SLC1A1: variants seen among roughly 807,000 people sequenced by gnomAD.
SLC1A1 encodes solute carrier family 1 member 1.
Under a neutral mutation model 53.3 loss-of-function variants are expected in SLC1A1, and 43 were observed. The ratio of observed to expected loss-of-function variants is 0.81; its 90% confidence interval spans 0.63 to 1.04. The LOEUF (loss-of-function observed/expected upper bound fraction) is 1.04. SLC1A1 is among the 50% of genes least tolerant of loss of function. The pLI, the probability that SLC1A1 is intolerant of heterozygous loss-of-function variation, is 0.00. For synonymous variants in SLC1A1, 307 were observed against 243.2 expected (o/e 1.26, Z -2.44); for missense variants, 748 against 664.9 (o/e 1.12, Z -1.37).
At chr9:4,578,437 G>A (rs564540019) in intron 10 of SLC1A1, among the ~76,000 whole-genome samples, 4 of 152,282 alleles carry the variant, frequency 2.6e-5, no homozygotes, top group African/African-American at 9.6e-5. Flanking sequence ...CATGACGTAG[G>A]GAGAGTTTGC....
In SLC1A1 at chr9:4,572,255, G is replaced by A. The variant is rs1194293561; in HGVS notation, c.634G>A (p.Val212Ile). ...TGGCATGTATTCAGATGGCATAAAC[G>A]TCCTGGGCTTGATTGTCTTTTGCCT... ...IVGMYSDGIN[V>I]LGLIVFCLVF... Residue 212 changes from valine to isoleucine, a missense_variant, in exon 7 of 12, where the codon GTC becomes ATC. By Grantham distance (29) the Val-to-Ile change is conservative. Coordinates refer to ENST00000262352, the MANE Select transcript of SLC1A1 (RefSeq NM_004170.6). 3.1e-6 allele frequency: 5 copies of A among 1,614,116 alleles called. No individual in the cohort carries two copies. Among genetic ancestry groups the A allele is most frequent in the Middle Eastern group, 1.6e-4 (1 of 6,062 alleles).
rs1820306908 is a variant in SLC1A1, at chr9:4,573,918, T to C, written c.779T>C (p.Leu260Pro). The change falls in exon 8 of 12, where the codon CTA becomes CCA. Residue 260 changes from leucine (L) to proline (P), a missense_variant. Physicochemically the swap from Leu to Pro is moderately conservative, Grantham distance 98. Transcript: ENST00000262352. Reference protein sequence around the residue: ...IVQIIMCYMPLGILFLIAGKI... With the variant: ...IVQIIMCYMPPGILFLIAGKI... ...TGCTTCCTTTCCAGTTATATGCCAC[T>C]AGGTATTTTGTTCCTGATTGCTGGG... The C allele has an allele frequency of 6.2e-7, 1 of 1,608,240 alleles. No homozygotes were observed. The highest frequency in any genetic ancestry group is 8.5e-7 in the Non-Finnish European group (1 of 1,174,592).
At chr9:4,575,099 C>A (rs764411643) in intron 8 of SLC1A1, among the ~76,000 whole-genome samples, 2 of 152,184 alleles carry the variant, frequency 1.3e-5, no homozygotes, top group African/African-American at 2.4e-5. Flanking sequence ...TATTCTCTTA[C>A]CCCAGCTAGG....
intron 1 of SLC1A1, among the ~76,000 whole-genome samples, chr9:4,536,248 T>C (rs1020352656): frequency 3.3e-5 from 5 of 151,846 alleles, no homozygotes; most frequent in African/African-American, 7.3e-5. Flanking sequence ...GCCATCAGAG[T>C]GAATAGGCAA....
chr9:4,501,745 T>C (rs1820638541), intron 1 of SLC1A1, among the ~76,000 whole-genome samples: 1 of 150,804 alleles, frequency 6.6e-6, no homozygotes, highest in African/African-American at 2.5e-5. Flanking sequence ...GCCTGGGCAA[T>C]GAGAGCTAAA....
intron 1 of SLC1A1, among the ~76,000 whole-genome samples, chr9:4,494,296 ATTAC>A (rs1334690645): frequency 1.4e-5 from 1 of 69,146 alleles, no homozygotes; most frequent in Non-Finnish European, 4.3e-5. Context: ...AATTGGAGAT[ATTAC>A]TTATTACTTC....
intron 2 of SLC1A1, among the ~76,000 whole-genome samples, chr9:4,550,224 A>G (rs191205247): frequency 4.5e-4 from 68 of 152,348 alleles, no homozygotes; most frequent in Admixed American, 3.6e-3. Context: ...TGGATTTACA[A>G]TTGAGGATCT....
intron 8 of SLC1A1, 152 bp downstream of exon 8, chr9:4,574,166 G>A: frequency 1.4e-6 from 1 of 696,844 alleles, no homozygotes; most frequent in Admixed American, 2.0e-5. Context: ...GAGGAGGGCT[G>A]CCCTTTAACA....
chr9:4,543,544 T>C (rs1817195852), intron 1 of SLC1A1, among the ~76,000 whole-genome samples: 1 of 152,214 alleles, frequency 6.6e-6, no homozygotes, highest in Non-Finnish European at 1.5e-5. Flanking sequence ...GGCATCTTGT[T>C]AAGGAAAAGC....
chr9:4,587,342 G>A lies in SLC1A1; in HGVS notation c.*1784G>A, dbSNP rs529662948. The stretch of plus-strand genomic sequence containing the variant: ...CCAATTAGTGGCACTAGTTGGCAGA[G>A]CTGTTCATGAGCTGCCAGTTATCAT... On this transcript the variant is annotated 3_prime_UTR_variant, in exon 12 of 12. Coordinates refer to ENST00000262352, the MANE Select transcript of SLC1A1 (RefSeq NM_004170.6). 1.0e-3 allele frequency: 152 copies of A among 152,330 alleles called. No homozygotes were observed. Among genetic ancestry groups the A allele is most frequent in the African/African-American group, 3.5e-3 (146 of 41,584 alleles). 9.4% of individuals were successfully genotyped at this position (152,330 alleles called of 1,614,324 possible). A position where few individuals can be genotyped will look rare whatever the true frequency, so the allele number is the denominator to read the frequency against.
chr9:4,565,872 G>C (rs1198923339), intron 4 of SLC1A1, among the ~76,000 whole-genome samples, 175 bp from the exon 5 acceptor site: 6 of 152,172 alleles, frequency 3.9e-5, no homozygotes, highest in Non-Finnish European at 5.9e-5. Flanking sequence ...CTATACTTGG[G>C]TGAAGCTCAG....
intron 1 of SLC1A1, among the ~76,000 whole-genome samples, chr9:4,530,873 A>G (rs989828200): frequency 3.3e-5 from 5 of 152,174 alleles, no homozygotes; most frequent in African/African-American, 9.7e-5. Context: ...TTACCTTAAA[A>G]CTTAAACCTA....
At chr9:4,502,300 T>A (rs905358726) in intron 1 of SLC1A1, among the ~76,000 whole-genome samples, 7 of 141,192 alleles carry the variant, frequency 5.0e-5, no homozygotes, top group Non-Finnish European at 7.5e-5. Context: ...GGTGAGAGGA[T>A]CACTTGAGCC....
At chr9:4,536,651 T>C (rs902193537) in intron 1 of SLC1A1, among the ~76,000 whole-genome samples, 7 of 152,206 alleles carry the variant, frequency 4.6e-5, no homozygotes, top group South Asian at 4.1e-4. Flanking sequence ...CTCAGGGATC[T>C]TGAACTAGAA....
intron 1 of SLC1A1, among the ~76,000 whole-genome samples, chr9:4,529,729 T>C (rs1008636113): frequency 6.6e-6 from 1 of 152,166 alleles, no homozygotes; most frequent in African/African-American, 2.4e-5. Context: ...GGTGTCTCAT[T>C]ATGTTGCCCA....
At chr9:4,563,997 C>G (rs1468520776) in intron 3 of SLC1A1, among the ~76,000 whole-genome samples, 2 of 152,086 alleles carry the variant, frequency 1.3e-5, no homozygotes, top group African/African-American at 4.8e-5. Flanking sequence ...TAACACCTTC[C>G]TAGGCTGGTC....
At chr9:4,573,831 G>A (rs959660573) in intron 7 of SLC1A1, 76 bp from the exon 8 acceptor site, 5 of 983,598 alleles carry the variant, frequency 5.1e-6, no homozygotes, top group Non-Finnish European at 6.6e-6. Context: ...CCACACTGGA[G>A]TGTTCCTTCC....
At position 4,586,854 on chromosome 9, in the gene SLC1A1, C is replaced by A. The variant is rs1269012870; in HGVS notation, c.*1296C>A. 1.3e-5 allele frequency: 2 copies of A among 152,298 alleles called. No individual in the cohort carries two copies. The highest frequency in any genetic ancestry group is 2.9e-5 in the Non-Finnish European group (2 of 68,038). 9.4% of individuals were successfully genotyped at this position (152,298 alleles called of 1,614,324 possible). A position where few individuals can be genotyped will look rare whatever the true frequency, so the allele number is the denominator to read the frequency against. On this transcript the variant is annotated 3_prime_UTR_variant, in exon 12 of 12. Coordinates refer to ENST00000262352, the MANE Select transcript of SLC1A1 (RefSeq NM_004170.6). ...CATTCTATGACTCTTGTCTCCTCCT[C>A]CAGGAGGACTGTTCTAACTAGTAAT...
At chr9:4,503,597 T>C (rs1229701297) in intron 1 of SLC1A1, among the ~76,000 whole-genome samples, 3 of 151,840 alleles carry the variant, frequency 2.0e-5, no homozygotes, top group African/African-American at 4.9e-5. Context: ...GCTTGAAGAC[T>C]GGAACGAGCA....
Sources: allele counts gnomAD v4.1 joint callset (sites outside exome capture counted in the v4.1 genomes callset), GRCh38; gene constraint gnomAD v4.1.1; transcripts MANE v1.5; gene names NCBI Gene and HGNC (gene_info 2026-07-23, HGNC 2026-07-21).